The following DISP1 variants were observed in gnomAD, a reference collection of about 807,000 sequenced individuals.
The protein encoded by DISP1 is dispatched RND transporter family member 1.
A neutral mutation model predicts 37.3 loss-of-function variants in DISP1; 30 were observed. The ratio of observed to expected loss-of-function variants is 0.80; its 90% confidence interval spans 0.60 to 1.09. The LOEUF (loss-of-function observed/expected upper bound fraction) is 1.09. Ranked by LOEUF, DISP1 falls within the 50% of genes least tolerant of loss-of-function variation. DISP1 has a pLI of 0.00. For synonymous variants in DISP1, 634 were observed against 690.2 expected (o/e 0.92, Z 1.28); for missense variants, 1,598 against 1,879.5 (o/e 0.85, Z 2.77).
chr1:222,991,759 C>A, intron 6 of DISP1, 112 bp downstream of exon 6: 2 of 1,242,928 alleles, frequency 1.6e-6, no homozygotes. Context: ...GGCTCAAAAT[C>A]TTTGCCACTG....
chr1:222,984,435 T>TATAG lies in DISP1; in HGVS notation c.539+1327_539+1328insTAGA, dbSNP rs67660273. Among the ~76,000 whole-genome samples, 602 of 108,324 alleles carry TATAG rather than the reference T, an allele frequency of 5.6e-3. 18 individuals carry two copies. Among genetic ancestry groups the TATAG allele is most frequent in the East Asian group, 0.014 (53 of 3,838 alleles). The allele number at this position is 108,324 out of a possible 152,430, so 71.1% of individuals were successfully genotyped here. On this transcript the variant is annotated intron_variant, in intron 4 of 8. Transcript: ENST00000675850. ...AAAAAAAAAAAAATATATATATATA[T>TATAG]AGAGAGAGAGAGAGAGAGAGAGAGC...
chr1:222,830,096 C>T (rs1348611210), intron 1 of DISP1, among the ~76,000 whole-genome samples: 1 of 152,082 alleles, frequency 6.6e-6, no homozygotes, highest in Non-Finnish European at 1.5e-5. Context: ...AGTACAAACT[C>T]CAGATGATTT....
Position 222,985,650 on chromosome 1 carries a change from G to A in DISP1, c.539+2541G>A, listed in dbSNP as rs557099540. Among the ~76,000 whole-genome samples, 6 of 152,096 alleles carry A rather than the reference G, an allele frequency of 3.9e-5. No individual in the cohort carries two copies. The East Asian group carries it at 7.7e-4, about 20-fold the overall frequency. On this transcript the variant is annotated intron_variant, in intron 4 of 8. Coordinates refer to ENST00000675850, the MANE Select transcript of DISP1 (RefSeq NM_001377229.1). The stretch of plus-strand genomic sequence containing the variant: ...GGGTGACAGAGCAAGACTCCGTCTC[G>A]GGGTGGGGGAAAGAAAAAAACAAAA...
Position 223,005,102 on chromosome 1 carries a change from C to A in DISP1, c.3705C>A (p.Tyr1235Ter), listed in dbSNP as rs1467939710. 11 of 1,614,090 alleles carry A rather than the reference C, an allele frequency of 6.8e-6. No homozygotes were observed. The highest frequency in any genetic ancestry group is 8.5e-6 in the Non-Finnish European group (10 of 1,180,040). The change falls in exon 9 of 9, where the codon TAC becomes TAA. Residue 1235 changes from tyrosine (Y) to a stop codon, truncating the protein, a stop_gained. Transcript: ENST00000675850. LOFTEE classifies it low-confidence loss of function (END_TRUNC). ...KNLGMPVHAA[Y>*]NSELSKSTES... The stretch of plus-strand genomic sequence containing the variant: ...TAGGGATGCCTGTGCATGCAGCTTA[C>A]AACAGTGAACTCAGCAAAAGCACTG...
chr1:222,832,864 C>G (rs1400788513), intron 1 of DISP1, among the ~76,000 whole-genome samples: 1 of 151,984 alleles, frequency 6.6e-6, no homozygotes, highest in Non-Finnish European at 1.5e-5. Context: ...CCACTGCACT[C>G]CAGCTTTTGT....
chr1:222,969,370 C>CAAAAAAAAAAAAA (rs71178518), intron 3 of DISP1, among the ~76,000 whole-genome samples: 744 of 29,668 alleles, frequency 0.025, 34 homozygotes, highest in African/African-American at 0.029. Context: ...AACTTGGTCT[C>CAAAAAAAAAAAAA]AAAAAAAAAA....
In DISP1 at chr1:223,004,512, T is replaced by C; in HGVS notation, c.3115T>C (p.Ser1039Pro). The change falls in exon 9 of 9, where the codon TCT (serine) becomes CCT (proline). Residue 1039 changes from serine (S) to proline (P), a missense_variant. Coordinates refer to ENST00000675850, the MANE Select transcript of DISP1 (RefSeq NM_001377229.1). The surrounding 1 kb of genome is among the most constrained non-coding windows in gnomAD (Gnocchi z 4.9). ...GGGCTGGGAGCTCAATGTGTTGGAA[T>C]CTGTCACCATTTCGGTTGCCGTCGG... ...LLGWELNVLE[S>P]VTISVAVGLS... The C allele has an allele frequency of 6.2e-7, 1 of 1,614,234 alleles. No homozygotes were observed. The highest frequency in any genetic ancestry group is 8.5e-7 in the Non-Finnish European group (1 of 1,180,030).
intron 1 of DISP1, among the ~76,000 whole-genome samples, chr1:222,917,896 G>C (rs1231473483): frequency 6.6e-6 from 1 of 152,100 alleles, no homozygotes; most frequent in African/African-American, 2.4e-5. Context: ...TTGATCCAAG[G>C]GGACTAAAGT....
chr1:223,004,505 G>T lies in DISP1; in HGVS notation c.3108G>T (p.Val1036=). The change falls in exon 9 of 9, where the codon GTG becomes GTT. Residue 1036 remains valine (V), a synonymous_variant. Transcript: ENST00000675850. This position sits in a 1 kb window ranked among gnomAD's most constrained non-coding sequence, Gnocchi z 4.9. The part of the protein sequence containing the change: ...SLVLLGWELN[V]LESVTISVAV... ...TCCTGCTGGGCTGGGAGCTCAATGT[G>T]TTGGAATCTGTCACCATTTCGGTTG... 6.2e-7 allele frequency: 1 copy of T among 1,614,240 alleles called. No individual in the cohort carries two copies. The highest frequency in any genetic ancestry group is 2.2e-5 in the East Asian group (1 of 44,880).
intron 1 of DISP1, among the ~76,000 whole-genome samples, chr1:222,875,227 C>T (rs567355223): frequency 6.6e-6 from 1 of 152,066 alleles, no homozygotes; most frequent in East Asian, 1.9e-4. Context: ...GCAGGAGAAT[C>T]ACTTGAACCC....
chr1:222,823,291 A>G (rs66951683), intron 1 of DISP1, among the ~76,000 whole-genome samples: 33,650 of 152,102 alleles, frequency 0.22, 3,781 homozygotes, highest in Middle Eastern at 0.33. Flanking sequence ...AGCATCCATC[A>G]TGGATGACTA....
intron 8 of DISP1, among the ~76,000 whole-genome samples, chr1:222,996,714 C>T (rs1383815140): frequency 6.6e-6 from 1 of 152,156 alleles, no homozygotes; most frequent in Non-Finnish European, 1.5e-5. Flanking sequence ...GGAAAGTTCA[C>T]ATCTTTGGTC....
rs759715045 is a variant in DISP1, at chr1:222,943,114, C to T, written c.291C>T (p.His97=). ...YHHPLTSHSS[H]QECHPEAGPA... is the part of the protein sequence containing the mutation. ...ACCCTTTGACTAGCCATAGCAGTCACCAAGAGTGCCATCCCGAGGCTGGCC... is the reference window on the plus strand; with the variant it reads ...ACCCTTTGACTAGCCATAGCAGTCATCAAGAGTGCCATCCCGAGGCTGGCC... Residue 97 remains histidine, a synonymous_variant, in exon 3 of 9, where the codon CAC becomes CAT. Transcript: ENST00000675850. 4 of 1,614,030 alleles carry T rather than the reference C, an allele frequency of 2.5e-6. No individual in the cohort carries two copies. Among genetic ancestry groups the T allele is most frequent in the Non-Finnish European group, 3.4e-6 (4 of 1,179,888 alleles).
intron 2 of DISP1, among the ~76,000 whole-genome samples, chr1:222,940,415 A>G (rs1230275783): frequency 6.6e-6 from 1 of 152,066 alleles, no homozygotes; most frequent in South Asian, 2.1e-4. Flanking sequence ...CTAGCCCCAT[A>G]ATCCAATCAC....
chr1:222,882,886 G>C (rs925730120), intron 1 of DISP1, among the ~76,000 whole-genome samples: 2 of 152,038 alleles, frequency 1.3e-5, no homozygotes, highest in Admixed American at 1.3e-4. Flanking sequence ...AAAAGTATTA[G>C]AGAAGCTAAA....
At chr1:222,940,623 G>GA (rs1231576955) in intron 2 of DISP1, among the ~76,000 whole-genome samples, 1 of 152,140 alleles carries the variant, frequency 6.6e-6, no homozygotes, top group Non-Finnish European at 1.5e-5. Flanking sequence ...AAATACCTAG[G>GA]AAAAAGTAGA....
At chr1:222,832,348 G>C (rs1665972171) in intron 1 of DISP1, among the ~76,000 whole-genome samples, 1 of 152,074 alleles carries the variant, frequency 6.6e-6, no homozygotes, top group Admixed American at 6.5e-5. Flanking sequence ...AAGTCTGTCT[G>C]TGATGATAAA....
chr1:222,963,118 A>G (rs996561864), intron 3 of DISP1, among the ~76,000 whole-genome samples: 7 of 152,252 alleles, frequency 4.6e-5, no homozygotes, highest in Non-Finnish European at 1.0e-4. Context: ...GGCAAAGGAT[A>G]TAAACAGACA....
At chr1:222,990,852 C>T in intron 5 of DISP1, 104 bp downstream of exon 5, 1 of 1,447,212 alleles carries the variant, frequency 6.9e-7, no homozygotes. Context: ...CTTTAAAAAC[C>T]TTCTCAAGCA....
Sources: gnomAD v4.1 joint callset for allele counts (sites outside exome capture counted in the v4.1 genomes callset) on GRCh38, gnomAD v4.1.1 for gene constraint, Gnocchi (gnomAD v3.1) non-coding constraint, MANE v1.5 for transcripts, NCBI Gene and HGNC (gene_info 2026-07-23, HGNC 2026-07-21) for gene names.